Variants in MTHFD2L observed in about 807,000 individuals in gnomAD.
MTHFD2L encodes bifunctional methylenetetrahydrofolate dehydrogenase/cyclohydrolase 2, mitochondrial.
MTHFD2L carries 29 observed loss-of-function variants against 34.9 expected under a neutral mutation model. The ratio of observed to expected loss-of-function variants is 0.83; its 90% CI spans 0.62 to 1.13. MTHFD2L has a LOEUF of 1.13. MTHFD2L is among the 50% of genes most tolerant of loss of function. MTHFD2L has a pLI of 0.00. For missense variants in MTHFD2L, 481 were observed against 446.5 expected (o/e 1.08, Z -0.70); for synonymous variants, 167 against 155.7 (o/e 1.07, Z -0.54).
At chr4:74,263,680 A>T (rs1029683557) in intron 6 of MTHFD2L, among the ~76,000 whole-genome samples, 3 of 151,874 alleles carry the variant, frequency 2.0e-5, no homozygotes, top group Admixed American at 1.3e-4. Context: ...TTAATTTTGT[A>T]TTTTGAGACT....
intron 6 of MTHFD2L, 72 bp from the exon 7 acceptor site, chr4:74,281,353 T>TGTGTGTG: frequency 3.6e-6 from 4 of 1,098,136 alleles, no homozygotes; most frequent in Non-Finnish European, 4.9e-6. Context: ...GTGTGTGTAT[T>TGTGTGTG]TTTAAAGCCT....
At chr4:74,248,452 T>A (rs1742809562) in intron 6 of MTHFD2L, among the ~76,000 whole-genome samples, 1 of 151,922 alleles carries the variant, frequency 6.6e-6, no homozygotes, top group Admixed American at 6.6e-5. Context: ...CATTAATTTT[T>A]TGAAGGGTTT....
intron 6 of MTHFD2L, among the ~76,000 whole-genome samples, chr4:74,264,346 C>A (rs1012915704): frequency 6.6e-6 from 1 of 151,858 alleles, no homozygotes; most frequent in Non-Finnish European, 1.5e-5. Context: ...AATTAGCAAG[C>A]TTACAGAATA....
chr4:74,229,301 A>G (rs758228100), intron 6 of MTHFD2L, among the ~76,000 whole-genome samples: 1 of 152,334 alleles, frequency 6.6e-6, no homozygotes, highest in East Asian at 1.9e-4. Context: ...CAATAGGAAT[A>G]AAGTATTGCC....
intron 1 of MTHFD2L, chr4:74,143,452 G>A (rs1578249781): frequency 2.0e-6 from 2 of 985,314 alleles, no homozygotes; most frequent in Non-Finnish European, 2.4e-6. Context: ...CGCTGAGTTT[G>A]GAAGGGTCCT....
At chr4:74,240,649 G>A (rs1020159721) in intron 6 of MTHFD2L, among the ~76,000 whole-genome samples, 1 of 152,034 alleles carries the variant, frequency 6.6e-6, no homozygotes, top group African/African-American at 2.4e-5. Flanking sequence ...AACTTGAGAC[G>A]TTATCTCTGG....
At chr4:74,127,702 A>G (rs1578221782) in intron 1 of MTHFD2L, among the ~76,000 whole-genome samples, 1 of 152,172 alleles carries the variant, frequency 6.6e-6, no homozygotes, top group African/African-American at 2.4e-5. Context: ...ATAGTGCTGC[A>G]ATAAATATGG....
chr4:74,129,456 A>T (rs549347556), intron 1 of MTHFD2L, among the ~76,000 whole-genome samples: 1 of 152,276 alleles, frequency 6.6e-6, no homozygotes, highest in African/African-American at 2.4e-5. Context: ...AAACCACACA[A>T]CTACATGGAA....
At chr4:74,235,449 A>G (rs1740702218) in intron 6 of MTHFD2L, among the ~76,000 whole-genome samples, 1 of 152,144 alleles carries the variant, frequency 6.6e-6, no homozygotes, top group South Asian at 2.1e-4. Context: ...AATTAATTCA[A>G]TGTGAATGTG....
chr4:74,232,635 A>G (rs1353248506), intron 6 of MTHFD2L, among the ~76,000 whole-genome samples: 3 of 152,188 alleles, frequency 2.0e-5, no homozygotes, highest in Admixed American at 2.0e-4. Flanking sequence ...GAAAACTTGG[A>G]CAATAGAGAG....
intron 6 of MTHFD2L, among the ~76,000 whole-genome samples, chr4:74,270,751 C>G (rs1013553445): frequency 4.6e-5 from 7 of 152,198 alleles, no homozygotes; most frequent in Non-Finnish European, 1.0e-4. Flanking sequence ...GCCACACTGT[C>G]TTCCACAGTG....
chr4:74,143,507 A>G (rs1723405234), intron 1 of MTHFD2L: 1 of 886,900 alleles, frequency 1.1e-6, no homozygotes, highest in Non-Finnish European at 1.4e-6. Flanking sequence ...TGGAAGGGGC[A>G]GAAGACTAAA....
At chr4:74,226,651 G>A (rs896105681) in intron 6 of MTHFD2L, among the ~76,000 whole-genome samples, 3 of 152,072 alleles carry the variant, frequency 2.0e-5, no homozygotes, top group Non-Finnish European at 4.4e-5. Context: ...TTAATTAAAC[G>A]TGTACTTTTG....
chr4:74,254,020 G>A (rs979343416), intron 6 of MTHFD2L, among the ~76,000 whole-genome samples: 6 of 152,124 alleles, frequency 3.9e-5, no homozygotes, highest in African/African-American at 7.2e-5. Context: ...CTCAGGATGA[G>A]GTCCATGCCT....
intron 6 of MTHFD2L, among the ~76,000 whole-genome samples, chr4:74,262,743 G>A (rs1412446677): frequency 6.6e-6 from 1 of 151,826 alleles, no homozygotes; most frequent in African/African-American, 2.4e-5. Context: ...AAGGATCCAG[G>A]GAAGCACATA....
At chr4:74,124,053 G>A (rs1352033413), upstream of MTHFD2L, among the ~76,000 whole-genome samples, 11 of 151,736 alleles carry the variant, frequency 7.2e-5, no homozygotes. Context: ...ATATTCCATT[G>A]GGGGGCACAG....
intron 3 of MTHFD2L, among the ~76,000 whole-genome samples, chr4:74,181,320 A>G (rs1445458226): frequency 1.3e-5 from 2 of 152,158 alleles, no homozygotes; most frequent in African/African-American, 4.8e-5. Flanking sequence ...AGGAATGGTA[A>G]ATATGTACTA....
intron 7 of MTHFD2L, among the ~76,000 whole-genome samples, chr4:74,297,431 C>T (rs1412225481): frequency 6.6e-6 from 1 of 152,036 alleles, no homozygotes; most frequent in Non-Finnish European, 1.5e-5. Context: ...TCTCATACCT[C>T]ATTCCCATAT....
At chr4:74,281,679 G>A in intron 7 of MTHFD2L, 129 bp downstream of exon 7, 1 of 913,244 alleles carries the variant, frequency 1.1e-6, no homozygotes, top group Non-Finnish European at 1.6e-6. Context: ...TCTTCTGAGG[G>A]AAAAGATTTT....
Sources: gnomAD v4.1 joint callset for allele counts (sites outside exome capture counted in the v4.1 genomes callset) on GRCh38, gnomAD v4.1.1 for gene constraint, MANE v1.5 for transcripts, NCBI Gene and HGNC (gene_info 2026-07-23, HGNC 2026-07-21) for gene names.